The following SLC8A3 variants were observed in gnomAD, a reference collection of about 807,000 sequenced individuals.
SLC8A3 encodes sodium/calcium exchanger 3.
In SLC8A3, 37 loss-of-function variants were observed where a neutral mutation model predicts 65.4. That is an observed-to-expected ratio of 0.57 (90% CI 0.44 to 0.74). The LOEUF is 0.74. SLC8A3 is among the 30% of genes least tolerant of loss of function. SLC8A3 has a pLI of 0.00. For synonymous variants in SLC8A3, 461 were observed against 444.5 expected, an observed-to-expected ratio of 1.04 and a Z score of -0.47; for missense variants, 1,112 against 1,172.1, an observed-to-expected ratio of 0.95 and a Z score of 0.75.
intron 2 of SLC8A3, among the ~76,000 whole-genome samples, chr14:70,145,350 C>A (rs949869553): frequency 3.9e-5 from 6 of 152,176 alleles, no homozygotes; most frequent in African/African-American, 1.4e-4. Context: ...ATTTCATATA[C>A]CTCCATTATT....
At chr14:70,140,823 T>A (rs1895517348) in intron 2 of SLC8A3, among the ~76,000 whole-genome samples, 1 of 142,276 alleles carries the variant, frequency 7.0e-6, no homozygotes, top group Non-Finnish European at 1.6e-5. Context: ...ACCTGGCATT[T>A]ACCACAAACT....
intron 2 of SLC8A3, among the ~76,000 whole-genome samples, chr14:70,148,350 A>G (rs955984291): frequency 2.5e-4 from 38 of 152,238 alleles, no homozygotes; most frequent in African/African-American, 8.4e-4. Context: ...GCTGAGCAGC[A>G]TCTGTAATAT....
In SLC8A3 at chr14:70,060,929, T is replaced by C; in HGVS notation, c.1795A>G (p.Arg599Gly). The C allele has an allele frequency of 6.7e-7, 1 of 1,484,508 alleles. No homozygotes were observed. Among genetic ancestry groups the C allele is most frequent in the Non-Finnish European group, 9.0e-7 (1 of 1,105,172 alleles). The allele number at this position is 1,484,508 out of a possible 1,614,324, so 92.0% of individuals were successfully genotyped here. Residue 599 changes from arginine to glycine, a missense_variant, in exon 3 of 7, where the codon AGG (arginine) becomes GGG (glycine). By Grantham distance (125) the Arg-to-Gly change is moderately radical. Transcript: ENST00000356921. ...TCCTCCTCATCTACTATTTTAACCCTTATGGTTTTCCTGTAGGGACAACAA... is the reference window on the plus strand; with the variant it reads ...TCCTCCTCATCTACTATTTTAACCCCTATGGTTTTCCTGTAGGGACAACAA... ...FKNDETVKTI[R>G]VKIVDEEEYE...
At chr14:70,107,696 C>T (rs567642857) in intron 2 of SLC8A3, among the ~76,000 whole-genome samples, 2 of 152,244 alleles carry the variant, frequency 1.3e-5, no homozygotes, top group Admixed American at 1.3e-4. Context: ...AGCCTGCAAA[C>T]TCAGAACCAA....
At chr14:70,052,138 C>T (rs376858664) in intron 3 of SLC8A3, 24 bp from the exon 4 acceptor site, 17 of 1,577,846 alleles carry the variant, frequency 1.1e-5, no homozygotes, top group Middle Eastern at 1.7e-4. Context: ...AAATCAGACT[C>T]GCTTTAACAC....
intron 5 of SLC8A3, among the ~76,000 whole-genome samples, chr14:70,049,507 G>A (rs1481407765): frequency 3.3e-5 from 5 of 152,116 alleles, no homozygotes; most frequent in Non-Finnish European, 7.4e-5. Flanking sequence ...GGGAGGGATA[G>A]CATTAGGAGA....
At chr14:70,161,598 C>T (rs1356921538) in intron 2 of SLC8A3, among the ~76,000 whole-genome samples, 1 of 152,102 alleles carries the variant, frequency 6.6e-6, no homozygotes, top group Non-Finnish European at 1.5e-5. Context: ...GGATGTTGGC[C>T]AAGGGAGAGA....
chr14:70,126,867 G>A (rs568715143), intron 2 of SLC8A3, among the ~76,000 whole-genome samples: 1 of 151,944 alleles, frequency 6.6e-6, no homozygotes, highest in East Asian at 1.9e-4. Flanking sequence ...TTTGGATTAG[G>A]GATGCTGAAC....
chr14:70,047,372 A>G (rs1886910791), intron 6 of SLC8A3: 1 of 151,626 alleles, frequency 6.6e-6, no homozygotes, highest in Non-Finnish European at 1.5e-5. Context: ...TGATCCTCTG[A>G]TATTTCTTCC....
intron 2 of SLC8A3, among the ~76,000 whole-genome samples, chr14:70,119,521 T>C (rs1017346006): frequency 2.6e-5 from 4 of 152,154 alleles, no homozygotes; most frequent in African/African-American, 9.7e-5. Context: ...ACATCCTCAC[T>C]TTGCAGAGAA....
intron 2 of SLC8A3, among the ~76,000 whole-genome samples, chr14:70,084,878 A>G (rs1292149410): frequency 6.6e-6 from 1 of 152,182 alleles, no homozygotes; most frequent in Non-Finnish European, 1.5e-5. Flanking sequence ...GGAGGTGTCA[A>G]GAATGTGATG....
At chr14:70,063,718 A>G (rs1188553972) in intron 2 of SLC8A3, 1 of 681,970 alleles carries the variant, frequency 1.5e-6, no homozygotes, top group African/African-American at 1.8e-5. Context: ...AAAGGGAACC[A>G]GAGAGGTGGA....
chr14:70,079,501 T>TA (rs536208237), intron 2 of SLC8A3, among the ~76,000 whole-genome samples: 2,898 of 149,342 alleles, frequency 0.019, 91 homozygotes, highest in African/African-American at 0.065. Context: ...AGACTCCATC[T>TA]AAAAAAAAAA....
Position 70,051,915 on chromosome 14 carries a change from A to G in SLC8A3, c.2013+75T>C, listed in dbSNP as rs114016530. 7.0e-3 allele frequency: 9,330 copies of G among 1,341,568 alleles called. 77 individuals are homozygous for G. Among genetic ancestry groups the G allele is most frequent in the African/African-American group, 0.039 (2,642 of 68,542 alleles). The allele number at this position is 1,341,568 out of a possible 1,614,324, so 83.1% of individuals were successfully genotyped here. A position where few individuals can be genotyped will look rare whatever the true frequency, so the allele number is the denominator to read the frequency against. On this transcript the variant is annotated intron_variant, in intron 4 of 6. Transcript: ENST00000356921. ...TTCACATATTCACTAGTGAAAGTGG[A>G]AAAAAACACCCCAGGTCTTCTGCCT...
At chr14:70,158,252 C>T (rs952156486) in intron 2 of SLC8A3, among the ~76,000 whole-genome samples, 1 of 152,252 alleles carries the variant, frequency 6.6e-6, no homozygotes, top group African/African-American at 2.4e-5. Context: ...AATGAAGATC[C>T]GCAGCCAGGG....
intron 3 of SLC8A3, among the ~76,000 whole-genome samples, chr14:70,058,799 C>G (rs764403112): frequency 2.6e-5 from 4 of 152,182 alleles, no homozygotes; most frequent in Admixed American, 1.3e-4. Flanking sequence ...GGAACCACTG[C>G]CTTCCTTCCT....
At chr14:70,051,169 T>C in intron 4 of SLC8A3, 62 bp from the exon 5 acceptor site, 12 of 1,154,876 alleles carry the variant, frequency 1.0e-5, no homozygotes, top group East Asian at 2.4e-5. Context: ...ATGAGGAGTC[T>C]GGTTCTTCAA....
intron 1 of SLC8A3, among the ~76,000 whole-genome samples, chr14:70,178,690 T>C (rs1882457647): frequency 1.3e-5 from 2 of 152,236 alleles, no homozygotes; most frequent in African/African-American, 2.4e-5. Context: ...TATGTGCCCA[T>C]CACAGTTGTA....
chr14:70,177,083 A>T (rs1268537565), intron 1 of SLC8A3, among the ~76,000 whole-genome samples: 1 of 152,176 alleles, frequency 6.6e-6, no homozygotes, highest in East Asian at 1.9e-4. Context: ...ATTTTTTTCC[A>T]CACACTCAAA....
Sources: gnomAD v4.1 joint callset for allele counts (sites outside exome capture counted in the v4.1 genomes callset) on GRCh38, gnomAD v4.1.1 for gene constraint, MANE v1.5 for transcripts, NCBI Gene and HGNC (gene_info 2026-07-23, HGNC 2026-07-21) for gene names.